The following PPP2R5A variants were observed in gnomAD, a reference collection of about 807,000 sequenced individuals.
PPP2R5A encodes the protein serine/threonine-protein phosphatase 2A 56 kDa regulatory subunit alpha isoform.
PPP2R5A carries 25 observed loss-of-function variants against 64.2 expected under a neutral mutation model. That is an observed-to-expected ratio of 0.39 (90% confidence interval 0.28 to 0.54). PPP2R5A has a LOEUF of 0.54. Among genes scored for constraint, PPP2R5A ranks in the 20% least tolerant of loss-of-function variants. The probability of loss-of-function intolerance (pLI) is 0.67; values close to 1 mark genes in which losing one functional copy is unlikely to be tolerated. For missense variants in PPP2R5A, 425 were observed against 576.3 expected (o/e 0.74, Z 2.69); for synonymous variants, 198 against 201.2 (o/e 0.98, Z 0.13).
chr1:212,290,744 T>TAA (rs1185363287), intron 1 of PPP2R5A, among the ~76,000 whole-genome samples: 2 of 152,252 alleles, frequency 1.3e-5, no homozygotes, highest in South Asian at 2.1e-4. Flanking sequence ...GCTAATCCAA[T>TAA]AAAATGTATT....
chr1:212,302,141 G>A (rs1658808719), intron 1 of PPP2R5A: 1 of 1,444,030 alleles, frequency 6.9e-7, no homozygotes, highest in Non-Finnish European at 9.4e-7. Context: ...GAAATCTTGA[G>A]GAGAGAAATG....
chr1:212,353,492 A>C (rs1659923679), intron 8 of PPP2R5A, among the ~76,000 whole-genome samples: 1 of 152,132 alleles, frequency 6.6e-6, no homozygotes, highest in South Asian at 2.1e-4. Context: ...TTTCCTTTCT[A>C]AATAGTGAGC....
intron 9 of PPP2R5A, 77 bp downstream of exon 9, chr1:212,356,753 G>A: frequency 6.7e-7 from 1 of 1,494,830 alleles, no homozygotes; most frequent in East Asian, 2.3e-5. Context: ...GCTTCTTTGG[G>A]CTGGCTGTAT....
chr1:212,343,400 T>A (rs1034847642), intron 4 of PPP2R5A, among the ~76,000 whole-genome samples: 2 of 152,194 alleles, frequency 1.3e-5, no homozygotes, highest in Non-Finnish European at 2.9e-5. Flanking sequence ...TGCAAGGACC[T>A]TTCCTACCCT....
intron 1 of PPP2R5A, among the ~76,000 whole-genome samples, chr1:212,311,941 A>T (rs1659041034): frequency 6.6e-6 from 1 of 152,210 alleles, no homozygotes; most frequent in Admixed American, 6.5e-5. Context: ...TTTTAAATAA[A>T]TTTAGGGTAG....
intron 1 of PPP2R5A, among the ~76,000 whole-genome samples, chr1:212,311,248 C>T (rs775260633): frequency 9.9e-5 from 15 of 152,138 alleles, no homozygotes; most frequent in Non-Finnish European, 1.9e-4. Flanking sequence ...GCAGGCGGAT[C>T]ACGAGGTCGG....
chr1:212,354,691 AGAGT>A (rs1659947024), intron 8 of PPP2R5A, among the ~76,000 whole-genome samples: 1 of 150,834 alleles, frequency 6.6e-6, no homozygotes, highest in Admixed American at 6.6e-5. Context: ...CCTAGGCAAC[AGAGT>A]GAGGCCTCAT....
intron 1 of PPP2R5A, among the ~76,000 whole-genome samples, chr1:212,324,954 G>A (rs192140719): frequency 3.3e-5 from 5 of 152,090 alleles, no homozygotes; most frequent in Non-Finnish European, 7.4e-5. Flanking sequence ...TATTTATGTC[G>A]CTGTTGATAT....
At chr1:212,329,570 A>G (rs1659464386) in intron 2 of PPP2R5A, among the ~76,000 whole-genome samples, 1 of 152,038 alleles carries the variant, frequency 6.6e-6, no homozygotes, top group Non-Finnish European at 1.5e-5. Flanking sequence ...AGCTTAAGAG[A>G]AGGGTTTAGG....
Position 212,286,230 on chromosome 1 carries a change from C to T in PPP2R5A, c.120C>T (p.Gly40=). Residue 40 remains glycine (G), a synonymous_variant, in exon 1 of 13, where the codon GGC becomes GGT. Coordinates refer to ENST00000261461, the MANE Select transcript of PPP2R5A (RefSeq NM_006243.4). The part of the protein sequence containing the change: ...RKAQRQKRSQ[G]SSQFRSQGSQ... ...CGCAGAGGCAGAAGCGCTCCCAGGG[C>T]TCGTCGCAGTTTCGCAGCCAGGGCA... 2 of 1,565,842 alleles carry T rather than the reference C, an allele frequency of 1.3e-6. No individual in the cohort carries two copies. The highest frequency in any genetic ancestry group is 2.4e-5 in the East Asian group (1 of 41,424).
chr1:212,320,901 C>A (rs1659268857), intron 1 of PPP2R5A, among the ~76,000 whole-genome samples: 1 of 126,418 alleles, frequency 7.9e-6, no homozygotes, highest in Admixed American at 7.4e-5. Context: ...TAGAGGCGCC[C>A]CTCACCTCCC....
chr1:212,358,867 T>C, intron 12 of PPP2R5A, 80 bp downstream of exon 12: 1 of 1,121,086 alleles, frequency 8.9e-7, no homozygotes, highest in Non-Finnish European at 1.3e-6. Flanking sequence ...AGGTATCTTC[T>C]CTCAGTTCAG....
intron 1 of PPP2R5A, 124 bp downstream of exon 1, chr1:212,286,415 A>T (rs1658501306): frequency 1.8e-6 from 2 of 1,088,636 alleles, no homozygotes; most frequent in African/African-American, 3.3e-5. Context: ...GTGTGAGCCG[A>T]GTTCCCCACA....
At chr1:212,303,764 C>G (rs1338135933) in intron 1 of PPP2R5A, among the ~76,000 whole-genome samples, 1 of 152,136 alleles carries the variant, frequency 6.6e-6, no homozygotes, top group Non-Finnish European at 1.5e-5. Context: ...GTAGTTATCA[C>G]ATTTATCTCC....
At chr1:212,318,512 G>A (rs1659201876) in intron 1 of PPP2R5A, among the ~76,000 whole-genome samples, 1 of 152,184 alleles carries the variant, frequency 6.6e-6, no homozygotes, top group Non-Finnish European at 1.5e-5. Flanking sequence ...CATATATTAA[G>A]TGCATAGTCA....
chr1:212,310,395 GTT>G (rs1444679154), intron 1 of PPP2R5A, among the ~76,000 whole-genome samples: 3 of 151,828 alleles, frequency 2.0e-5, no homozygotes, highest in Non-Finnish European at 2.9e-5. Flanking sequence ...AACCTCCACT[GTT>G]TTTAAGAGTA....
intron 8 of PPP2R5A, among the ~76,000 whole-genome samples, chr1:212,349,986 G>C (rs1659847222): frequency 1.3e-5 from 2 of 152,140 alleles, no homozygotes; most frequent in South Asian, 2.1e-4. Context: ...CCTAGTATTA[G>C]GTTGGTACAA....
chr1:212,327,762 A>G (rs978193271), intron 1 of PPP2R5A, among the ~76,000 whole-genome samples: 5 of 152,064 alleles, frequency 3.3e-5, no homozygotes, highest in Admixed American at 6.5e-5. Context: ...GATACTAGAA[A>G]GAGAAAGAGA....
chr1:212,296,470 A>G (rs1658692490), intron 1 of PPP2R5A, among the ~76,000 whole-genome samples: 1 of 152,214 alleles, frequency 6.6e-6, no homozygotes, highest in African/African-American at 2.4e-5. Flanking sequence ...TTATAAGAAG[A>G]CATTGATAGT....
Sources: allele counts gnomAD v4.1 joint callset (sites outside exome capture counted in the v4.1 genomes callset), GRCh38; gene constraint gnomAD v4.1.1; transcripts MANE v1.5; gene names NCBI Gene and HGNC (gene_info 2026-07-23, HGNC 2026-07-21).